Variants in RIN3 observed in about 807,000 individuals in gnomAD.
RIN3 encodes Ras and Rab interactor 3.
In RIN3, 54 loss-of-function variants were observed where a neutral mutation model predicts 76.3. That is an observed-to-expected ratio of 0.71 (90% confidence interval 0.57 to 0.89). The LOEUF (loss-of-function observed/expected upper bound fraction) is 0.89, where lower values mean the gene tolerates loss of function less well. Among genes scored for constraint, RIN3 ranks in the 40% least tolerant of loss-of-function variants. The pLI is 0.00. For synonymous variants in RIN3, 576 were observed against 564.0 expected (o/e 1.02, Z -0.30); for missense variants, 1,256 against 1,322.1 (o/e 0.95, Z 0.78).
Position 92,676,643 on chromosome 14 carries a change from C to A in RIN3, c.2467+37C>A, listed in dbSNP as rs184143485. ...CCCCCTGCCCATCAGGTGCATTGCA[C>A]ACCCCCAACTCAGCCACGCCACGGG... On this transcript the variant is annotated intron_variant, in intron 8 of 9. Transcript: ENST00000216487. 2.8e-5 allele frequency: 45 copies of A among 1,604,744 alleles called. No individual in the cohort carries two copies. The African/African-American group carries it at 5.2e-4, about 19-fold the overall frequency.
intron 2 of RIN3, among the ~76,000 whole-genome samples, chr14:92,567,623 CAT>C (rs1491460577): frequency 1.5e-4 from 14 of 95,574 alleles, no homozygotes; most frequent in Non-Finnish European, 1.8e-4. Flanking sequence ...TCTTCTGCTG[CAT>C]TTTTTTTTTT....
At chr14:92,567,309 A>G (rs1296700173) in intron 2 of RIN3, among the ~76,000 whole-genome samples, 1 of 152,246 alleles carries the variant, frequency 6.6e-6, no homozygotes, top group Non-Finnish European at 1.5e-5. Context: ...GTGGCTTTCA[A>G]CAGTCACTAT....
chr14:92,531,386 G>A (rs1896875877), intron 1 of RIN3, among the ~76,000 whole-genome samples: 1 of 152,208 alleles, frequency 6.6e-6, no homozygotes, highest in Admixed American at 6.5e-5. Context: ...CTCACCCACA[G>A]CGACTTCATG....
Position 92,555,737 on chromosome 14 carries a change from A to T in RIN3, c.45-14A>T, listed in dbSNP as rs1231870113. 1.9e-6 allele frequency: 3 copies of T among 1,613,680 alleles called. No homozygotes were observed. In the African/African-American group the frequency reaches 4.0e-5, roughly 22 times the overall value. On this transcript the variant is annotated splice_polypyrimidine_tract_variant and intron_variant, in intron 1 of 9. Coordinates refer to ENST00000216487, the MANE Select transcript of RIN3 (RefSeq NM_024832.5). ...TGGCTGCAGGATAGCTGATCATTGA[A>T]TTCTGTTTTTCAGTCCGGTTCCAGT...
At chr14:92,588,495 G>A (rs978526537) in intron 3 of RIN3, among the ~76,000 whole-genome samples, 1 of 151,832 alleles carries the variant, frequency 6.6e-6, no homozygotes, top group East Asian at 1.9e-4. Flanking sequence ...CAAAGTGCTG[G>A]GATTACAGGT....
rs376442512 is a variant in RIN3 at position 92,659,489 on chromosome 14, G to A, written c.2335+20G>A. 1.3e-6 allele frequency: 2 copies of A among 1,572,204 alleles called. No individual in the cohort carries two copies. The highest frequency in any genetic ancestry group is 1.4e-5 in the African/African-American group (1 of 73,558). ...ACCCAGGTCAGTGGGCAGCCGGGAG[G>A]GGTCTGGGTGAGGAGCTCTCTTTGT... On this transcript the variant is annotated intron_variant, in intron 7 of 9. Transcript: ENST00000216487.
rs768916326 is a variant in RIN3 at position 92,652,855 on chromosome 14, CAAG to C, written c.1810_1812del (p.Lys604del). On this transcript the variant is annotated inframe_deletion, in exon 6 of 10. Coordinates refer to ENST00000216487, the MANE Select transcript of RIN3 (RefSeq NM_024832.5). This position sits in a 1 kb window ranked among gnomAD's most constrained non-coding sequence, Gnocchi z 6.4. ...TCCTCTCCAACAACCGCAAGCTGTA[CAAG>C]AAGGTGGTGGAGCTGGCGCAGGACA... is the stretch of plus-strand genomic sequence containing the variant. 18 of 1,613,984 alleles carry C rather than the reference CAAG, an allele frequency of 1.1e-5. No individual in the cohort carries two copies. In the Admixed American group the frequency reaches 2.8e-4, roughly 25 times the overall value.
At chr14:92,614,095 G>A (rs1035991970) in intron 3 of RIN3, among the ~76,000 whole-genome samples, 3 of 152,234 alleles carry the variant, frequency 2.0e-5, no homozygotes, top group Admixed American at 2.0e-4. Flanking sequence ...AGGCACTGAC[G>A]GTGGCATCCT....
intron 4 of RIN3, among the ~76,000 whole-genome samples, chr14:92,622,392 T>C (rs1566872596): frequency 6.6e-6 from 1 of 152,208 alleles, no homozygotes; most frequent in East Asian, 1.9e-4. Flanking sequence ...CCCTGACTTT[T>C]AGCATCCTTA....
intron 5 of RIN3, among the ~76,000 whole-genome samples, chr14:92,646,259 C>T (rs762519266): frequency 1.1e-4 from 16 of 152,172 alleles, no homozygotes; most frequent in Non-Finnish European, 2.2e-4. Flanking sequence ...CTCCGCTTGC[C>T]GTGCCTGCAG....
At chr14:92,668,874 A>C (rs988048369) in intron 7 of RIN3, among the ~76,000 whole-genome samples, 2 of 152,194 alleles carry the variant, frequency 1.3e-5, no homozygotes, top group South Asian at 4.1e-4. Context: ...CCCATTACTA[A>C]AGGTTTCCAT....
At chr14:92,527,963 T>A (rs1896787184) in intron 1 of RIN3, among the ~76,000 whole-genome samples, 1 of 150,934 alleles carries the variant, frequency 6.6e-6, no homozygotes, top group African/African-American at 2.4e-5. Context: ...AACGTTTGCA[T>A]GTAGATTGTT....
intron 4 of RIN3, among the ~76,000 whole-genome samples, chr14:92,624,304 G>A (rs1314802970): frequency 2.6e-5 from 4 of 152,160 alleles, no homozygotes; most frequent in East Asian, 3.9e-4. Flanking sequence ...GGTGCAACTC[G>A]AAGAATCCTA....
intron 7 of RIN3, among the ~76,000 whole-genome samples, chr14:92,674,944 T>C (rs1333847402): frequency 6.6e-6 from 1 of 151,420 alleles, no homozygotes; most frequent in African/African-American, 2.4e-5. Context: ...CTGGAAGTGC[T>C]TGCCATGAGC....
At chr14:92,672,019 G>C (rs2140164513) in intron 7 of RIN3, among the ~76,000 whole-genome samples, 1 of 152,340 alleles carries the variant, frequency 6.6e-6, no homozygotes, top group Non-Finnish European at 1.5e-5. Flanking sequence ...TAGAGACAAG[G>C]CCGCCCAGGC....
At chr14:92,561,038 A>ATATATATATATAT (rs1555383834) in intron 2 of RIN3, among the ~76,000 whole-genome samples, 2 of 14,618 alleles carry the variant, frequency 1.4e-4, no homozygotes, top group African/African-American at 4.0e-4. Flanking sequence ...AAAAAAAAAA[A>ATATATATATATAT]AAAAAAATAT....
chr14:92,587,839 A>T (rs1245960254), intron 3 of RIN3, among the ~76,000 whole-genome samples: 1 of 152,112 alleles, frequency 6.6e-6, no homozygotes, highest in Admixed American at 6.5e-5. Context: ...GTGCTGCTTT[A>T]ACAAAATACC....
chr14:92,525,601 T>C (rs1896708188), intron 1 of RIN3, among the ~76,000 whole-genome samples: 1 of 151,968 alleles, frequency 6.6e-6, no homozygotes, highest in Non-Finnish European at 1.5e-5. Flanking sequence ...TGGAGGGGAC[T>C]GTGAGCTGTG....
At chr14:92,617,003 T>C (rs905185087) in intron 4 of RIN3, among the ~76,000 whole-genome samples, 4 of 152,144 alleles carry the variant, frequency 2.6e-5, no homozygotes, top group African/African-American at 7.2e-5. Flanking sequence ...CAGAATTTTG[T>C]TTAACAAATT....
Sources: allele counts gnomAD v4.1 joint callset (sites outside exome capture counted in the v4.1 genomes callset), GRCh38; gene constraint gnomAD v4.1.1; non-coding constraint Gnocchi (gnomAD v3.1); transcripts MANE v1.5; gene names NCBI Gene and HGNC (gene_info 2026-07-23, HGNC 2026-07-21).